Variants in FRMD6 observed in about 807,000 individuals in gnomAD.
The protein encoded by FRMD6 is FERM domain-containing protein 6.
FRMD6 carries 37 observed loss-of-function variants against 73.2 expected under a neutral mutation model. That is an observed-to-expected ratio of 0.51 (90% confidence interval 0.39 to 0.66). The LOEUF (loss-of-function observed/expected upper bound fraction) is 0.66. Ranked by LOEUF, FRMD6 falls within the 30% of genes least tolerant of loss-of-function variation. The pLI, the probability that FRMD6 is intolerant of heterozygous loss-of-function variation, is 0.00. For missense variants in FRMD6, 714 were observed against 780.5 expected, an observed-to-expected ratio of 0.91 and a Z score of 1.02; for synonymous variants, 273 against 282.2, an observed-to-expected ratio of 0.97 and a Z score of 0.33.
At chr14:51,561,540 G>A (rs1381914144) in intron 1 of FRMD6, among the ~76,000 whole-genome samples, 1 of 152,206 alleles carries the variant, frequency 6.6e-6, no homozygotes, top group Non-Finnish European at 1.5e-5. Context: ...AAGTAACAGA[G>A]TTGTAGGCAA....
the FRMD6 span, among the ~76,000 whole-genome samples, chr14:51,398,289 C>T: frequency 6.6e-6 from 1 of 152,144 alleles, no homozygotes; most frequent in Non-Finnish European, 1.5e-5. Flanking sequence ...TGCACCTCCC[C>T]ACCCACGATC....
intron 2 of FRMD6, among the ~76,000 whole-genome samples, chr14:51,636,134 T>C (rs77495702): frequency 0.035 from 5,323 of 152,192 alleles, 177 homozygotes; most frequent in East Asian, 0.17. Flanking sequence ...CAGGTGGTGG[T>C]GAGACAAGAT....
At chr14:51,452,362 C>T in the FRMD6 span, among the ~76,000 whole-genome samples, 3 of 152,216 alleles carry the variant, frequency 2.0e-5, no homozygotes, top group Admixed American at 1.3e-4. Context: ...GAGAGTCCCA[C>T]ATCCTCAGAA....
intron 1 of FRMD6, among the ~76,000 whole-genome samples, chr14:51,539,460 A>G (rs993387932): frequency 9.2e-5 from 14 of 152,320 alleles, no homozygotes; most frequent in African/African-American, 2.9e-4. Flanking sequence ...CCTGACACAT[A>G]GTGGATGCTT....
chr14:51,493,833 G>T (rs1195570330), intron 1 of FRMD6, among the ~76,000 whole-genome samples: 1 of 152,016 alleles, frequency 6.6e-6, no homozygotes, highest in Non-Finnish European at 1.5e-5. Flanking sequence ...GTCTGTTCAG[G>T]CTGCTATAAT....
chr14:51,641,621 C>T (rs1319372756), intron 2 of FRMD6, among the ~76,000 whole-genome samples: 1 of 152,134 alleles, frequency 6.6e-6, no homozygotes, highest in Non-Finnish European at 1.5e-5. Context: ...GATCCTTCAC[C>T]TCCAGCAACT....
upstream of FRMD6, chr14:51,651,742 C>T (rs1315416291): frequency 7.5e-5 from 11 of 145,862 alleles, no homozygotes; most frequent in African/African-American, 2.8e-4. Context: ...CTGCCGCGAG[C>T]TCAGCGCGCA....
At position 51,662,559 on chromosome 14, in the gene FRMD6, A is replaced by G. The variant is rs1304027827; in HGVS notation, c.-147+10563A>G. 5.3e-5 allele frequency among the ~76,000 whole-genome samples: 8 copies of G among 152,302 alleles called. No homozygotes were observed. The East Asian group carries it at 7.7e-4, about 15-fold the overall frequency. On this transcript the variant is annotated intron_variant, in intron 1 of 13. Coordinates refer to ENST00000344768, the MANE Select transcript of FRMD6 (RefSeq NM_001267046.2). ...ACAAGCAATGGGGAAAGAATTCCCT[A>G]TGCATTGAATGGTGCTGGGATAATT...
At chr14:51,532,121 T>C (rs771316738) in intron 1 of FRMD6, among the ~76,000 whole-genome samples, 10 of 152,182 alleles carry the variant, frequency 6.6e-5, no homozygotes, top group East Asian at 5.8e-4. Context: ...ATAATCCCAG[T>C]ACTTTGGGAG....
At position 51,708,091 on chromosome 14, in the gene FRMD6, G is replaced by T; in HGVS notation, c.572G>T (p.Arg191Met). ...AYFPSWVVSK[R>M]GKDYILKHIP... is the part of the protein sequence containing the mutation. ...GTATCCCAACAGGTTGTTTCCAAGA[G>T]GGGGAAGGACTACATCCTGAAGCAC... Residue 191 changes from arginine (R) to methionine (M), a missense_variant, in exon 7 of 14, where the codon AGG becomes ATG. Physicochemically the swap from Arg to Met is moderately conservative, Grantham distance 91. Transcript: ENST00000344768. 6.2e-7 allele frequency: 1 copy of T among 1,613,080 alleles called. No individual in the cohort carries two copies. The highest frequency in any genetic ancestry group is 1.1e-5 in the South Asian group (1 of 91,020).
the FRMD6 span, among the ~76,000 whole-genome samples, chr14:51,446,942 C>A: frequency 6.6e-6 from 1 of 152,134 alleles, no homozygotes; most frequent in African/African-American, 2.4e-5. Context: ...AGAGCTTGGG[C>A]AGGATGGGGA....
intron 11 of FRMD6, 83 bp downstream of exon 11, chr14:51,720,473 G>A (rs1245365029): frequency 7.7e-7 from 1 of 1,299,018 alleles, no homozygotes; most frequent in East Asian, 2.4e-5. Flanking sequence ...GGTGTCTGGA[G>A]AGCAACTTTA....
At chr14:51,596,260 T>C (rs1037800987) in intron 2 of FRMD6, among the ~76,000 whole-genome samples, 4 of 151,934 alleles carry the variant, frequency 2.6e-5, no homozygotes, top group Middle Eastern at 3.4e-3. Context: ...TGTGTGTGTG[T>C]GTGTGTGTGT....
At chr14:51,526,146 C>A (rs1466753341) in intron 1 of FRMD6, among the ~76,000 whole-genome samples, 1 of 152,196 alleles carries the variant, frequency 6.6e-6, no homozygotes, top group Non-Finnish European at 1.5e-5. Flanking sequence ...GGACTATGCT[C>A]TGTAGCCTGA....
At chr14:51,634,761 T>G (rs555100029) in intron 2 of FRMD6, among the ~76,000 whole-genome samples, 5 of 152,352 alleles carry the variant, frequency 3.3e-5, no homozygotes, top group South Asian at 2.1e-4. Context: ...AAGGCCAGGC[T>G]TGAACTCTGG....
At chr14:51,404,869 AC>A in the FRMD6 span, among the ~76,000 whole-genome samples, 2 of 152,168 alleles carry the variant, frequency 1.3e-5, no homozygotes, top group Non-Finnish European at 2.9e-5. Flanking sequence ...TTATTTAATC[AC>A]CCAGGTATTA....
At chr14:51,644,370 C>T (rs1318796730) in intron 2 of FRMD6, among the ~76,000 whole-genome samples, 2 of 134,456 alleles carry the variant, frequency 1.5e-5, no homozygotes, top group Non-Finnish European at 3.2e-5. Context: ...CACACACACA[C>T]ACACACACAC....
intron 2 of FRMD6, among the ~76,000 whole-genome samples, chr14:51,571,155 C>T (rs1423782937): frequency 6.6e-6 from 1 of 152,156 alleles, no homozygotes; most frequent in Non-Finnish European, 1.5e-5. Context: ...AAGAGGATTG[C>T]TTGAGGCCAA....
chr14:51,608,597 C>T (rs1276745009), intron 2 of FRMD6, among the ~76,000 whole-genome samples: 1 of 152,088 alleles, frequency 6.6e-6, no homozygotes, highest in Non-Finnish European at 1.5e-5. Context: ...CCCTGTTCAG[C>T]CACGCTTGCA....
Sources: allele counts gnomAD v4.1 joint callset (sites outside exome capture counted in the v4.1 genomes callset), GRCh38; gene constraint gnomAD v4.1.1; transcripts MANE v1.5; gene names NCBI Gene and HGNC (gene_info 2026-07-23, HGNC 2026-07-21).